The following PHLDB2 variants were observed in gnomAD, a reference collection of about 807,000 sequenced individuals.
The protein encoded by PHLDB2 is pleckstrin homology-like domain family B member 2.
PHLDB2 carries 71 observed loss-of-function variants against 123.6 expected under a neutral mutation model. The ratio of observed to expected loss-of-function variants is 0.57; its 90% CI spans 0.47 to 0.70. The LOEUF is 0.70. Among genes scored for constraint, PHLDB2 ranks in the 30% least tolerant of loss-of-function variants. The probability of loss-of-function intolerance (pLI) is 0.00; values close to 1 mark genes in which losing one functional copy is unlikely to be tolerated. For missense variants in PHLDB2, 1,446 were observed against 1,519.5 expected, an observed-to-expected ratio of 0.95 and a Z score of 0.80; for synonymous variants, 547 against 541.6, an observed-to-expected ratio of 1.01 and a Z score of -0.14.
At chr3:111,822,311 G>GTGTGTGTGTC (rs1176741950) in intron 1 of PHLDB2, among the ~76,000 whole-genome samples, 6 of 150,176 alleles carry the variant, frequency 4.0e-5, no homozygotes, top group African/African-American at 1.5e-4. Flanking sequence ...GTGTGTGTGT[G>GTGTGTGTGTC]TGTGTGTATA....
Position 111,948,995 on chromosome 3 carries a change from A to G in PHLDB2, c.2551A>G (p.Thr851Ala), listed in dbSNP as rs1470449039. The G allele has an allele frequency of 6.2e-7, 1 of 1,613,636 alleles. No individual in the cohort carries two copies. The highest frequency in any genetic ancestry group is 8.5e-7 in the Non-Finnish European group (1 of 1,179,832). Reference protein sequence around the residue: ...CGNSTNLSPSTQFPADADAVA... With the variant: ...CGNSTNLSPSAQFPADADAVA... ...CAATTCCACGAATCTATCCCCTTCC[A>G]CTCAGTTTCCTGCTGATGCTGATGC... The change falls in exon 10 of 18, where the codon ACT becomes GCT. Residue 851 changes from threonine (T) to alanine (A), a missense_variant. Physicochemically the swap from Thr to Ala is moderately conservative, Grantham distance 58. Transcript: ENST00000431670.
intron 1 of PHLDB2, among the ~76,000 whole-genome samples, chr3:111,862,770 T>C (rs1041605915): frequency 6.6e-6 from 1 of 152,192 alleles, no homozygotes; most frequent in African/African-American, 2.4e-5. Context: ...GAGGAACTTG[T>C]GTTCATTGAC....
intron 1 of PHLDB2, among the ~76,000 whole-genome samples, chr3:111,750,308 T>A (rs2059747468): frequency 6.6e-6 from 1 of 152,174 alleles, no homozygotes; most frequent in Non-Finnish European, 1.5e-5. Context: ...ACAAAACATT[T>A]CCCCTTCTCT....
chr3:111,742,772 C>T (rs547259308), intron 1 of PHLDB2, among the ~76,000 whole-genome samples: 72 of 152,226 alleles, frequency 4.7e-4, no homozygotes, highest in African/African-American at 1.4e-3. Flanking sequence ...AATAAACATA[C>T]GTGTGCATGT....
At chr3:111,949,740 C>G (rs772557675) in intron 10 of PHLDB2, 1 of 985,666 alleles carries the variant, frequency 1.0e-6, no homozygotes, top group Non-Finnish European at 1.2e-6. Flanking sequence ...TGTTTCCTTC[C>G]GCTCTTTCTC....
At chr3:111,842,506 A>G (rs2063739543) in intron 1 of PHLDB2, among the ~76,000 whole-genome samples, 1 of 152,182 alleles carries the variant, frequency 6.6e-6, no homozygotes, top group Non-Finnish European at 1.5e-5. Context: ...TTAGACAAAT[A>G]TATAATAACC....
chr3:111,920,845 C>A (rs1226932516), intron 5 of PHLDB2, among the ~76,000 whole-genome samples: 1 of 152,188 alleles, frequency 6.6e-6, no homozygotes, highest in Non-Finnish European at 1.5e-5. Flanking sequence ...TATTTCTTTT[C>A]ATTTTTCTGT....
At chr3:111,752,152 C>T (rs1156696922) in intron 1 of PHLDB2, among the ~76,000 whole-genome samples, 1 of 152,134 alleles carries the variant, frequency 6.6e-6, no homozygotes, top group East Asian at 1.9e-4. Flanking sequence ...TTTTCACCAT[C>T]CCCCACCATC....
chr3:111,932,680 A>G (rs1198726553), intron 6 of PHLDB2, among the ~76,000 whole-genome samples: 2 of 152,184 alleles, frequency 1.3e-5, no homozygotes, highest in African/African-American at 2.4e-5. Flanking sequence ...ATTTGTAACC[A>G]ACATCAACAT....
chr3:111,867,764 C>G (rs943319329), intron 1 of PHLDB2, among the ~76,000 whole-genome samples: 1 of 151,604 alleles, frequency 6.6e-6, no homozygotes, highest in African/African-American at 2.4e-5. Flanking sequence ...TACAGTGGCA[C>G]TATCTTGGCT....
chr3:111,959,746 C>A (rs542425314), intron 12 of PHLDB2, among the ~76,000 whole-genome samples: 2 of 152,160 alleles, frequency 1.3e-5, no homozygotes, highest in East Asian at 1.9e-4. Context: ...ACAACAACAA[C>A]AAAAAACACA....
intron 5 of PHLDB2, among the ~76,000 whole-genome samples, chr3:111,928,645 T>C (rs531158691): frequency 6.6e-6 from 1 of 152,334 alleles, no homozygotes; most frequent in South Asian, 2.1e-4. Context: ...GAAGCAAATA[T>C]AGGCCCAATT....
At chr3:111,879,620 CT>C (rs1485846640) in intron 1 of PHLDB2, among the ~76,000 whole-genome samples, 1 of 151,920 alleles carries the variant, frequency 6.6e-6, no homozygotes, top group African/African-American at 2.4e-5. Context: ...TAAAGTGTAA[CT>C]TTTTTGAAGT....
In PHLDB2 at chr3:111,907,509, T is replaced by C. The variant is rs1248053230; in HGVS notation, c.1336-5810T>C. 2.0e-5 allele frequency among the ~76,000 whole-genome samples: 3 copies of C among 152,266 alleles called. No homozygotes were observed. The East Asian group carries it at 5.8e-4, about 29-fold the overall frequency. On this transcript the variant is annotated intron_variant, in intron 2 of 17. Transcript: ENST00000431670. The stretch of plus-strand genomic sequence containing the variant: ...TTTTGTTTGTTTGTTTGTTTGTTTG[T>C]TTTTTGAGAGAGAGTCTTGCTTTGT...
chr3:111,897,447 T>C (rs975775239), intron 2 of PHLDB2, among the ~76,000 whole-genome samples: 3 of 152,246 alleles, frequency 2.0e-5, no homozygotes, highest in African/African-American at 7.2e-5. Context: ...TCATCTTCCC[T>C]GAAGCTGAAG....
At chr3:111,952,804 T>C (rs1310449470) in intron 11 of PHLDB2, 92 bp downstream of exon 11, 1 of 1,394,322 alleles carries the variant, frequency 7.2e-7, no homozygotes, top group African/African-American at 1.5e-5. Context: ...AGAAAAGTGC[T>C]AAATAATAAA....
At chr3:111,926,759 C>T (rs941108556) in intron 5 of PHLDB2, among the ~76,000 whole-genome samples, 2 of 152,150 alleles carry the variant, frequency 1.3e-5, no homozygotes, top group Non-Finnish European at 2.9e-5. Context: ...AATCTTTCCT[C>T]TGCAGTTCCA....
In PHLDB2 at chr3:111,966,660, T is replaced by C. The variant is rs747269997; in HGVS notation, c.3125T>C (p.Leu1042Ser). The C allele has an allele frequency of 1.9e-6, 3 of 1,613,570 alleles. No homozygotes were observed. The highest frequency in any genetic ancestry group is 1.3e-5 in the African/African-American group (1 of 74,972). Residue 1042 changes from leucine (L) to serine (S), a missense_variant, in exon 14 of 18, where the codon TTG becomes TCG. By Grantham distance (145) the Leu-to-Ser change is moderately radical (BLOSUM62 -2). Around this residue, in one of 3 missense-constraint regions of PHLDB2, gnomAD observed 594 missense variants for 646.0 expected, o/e 0.92. Transcript: ENST00000431670. ...IARIEEMERLLKQAHAEKTRL... is the reference protein window; with the variant it reads ...IARIEEMERLSKQAHAEKTRL... ...AGAATAGAAGAAATGGAGAGACTTT[T>C]GAAGCAGGCTCATGCAGAAAAGACG...
chr3:111,803,081 T>C (rs1393716522), intron 1 of PHLDB2, among the ~76,000 whole-genome samples: 1 of 152,182 alleles, frequency 6.6e-6, no homozygotes, highest in Non-Finnish European at 1.5e-5. Flanking sequence ...AAAGCAGAAA[T>C]GATCTATATG....
Sources: gnomAD v4.1 joint callset for allele counts (sites outside exome capture counted in the v4.1 genomes callset) on GRCh38, gnomAD v4.1.1 for gene constraint, gnomAD v4.1.1 regional missense constraint, MANE v1.5 for transcripts, NCBI Gene and HGNC (gene_info 2026-07-23, HGNC 2026-07-21) for gene names.